Variants in KIAA1217 observed in about 807,000 individuals in gnomAD.
The protein encoded by KIAA1217 is sickle tail protein homolog.
KIAA1217 carries 88 observed loss-of-function variants against 163.9 expected under a neutral mutation model. The observed-to-expected ratio is 0.54, with a 90% CI of 0.45 to 0.64. The LOEUF (loss-of-function observed/expected upper bound fraction) is 0.64. KIAA1217 is among the 30% of genes least tolerant of loss of function. KIAA1217 has a pLI of 0.00. For synonymous variants in KIAA1217, 903 were observed against 923.1 expected (o/e 0.98, Z 0.39); for missense variants, 2,372 against 2,475.0 (o/e 0.96, Z 0.88).
At chr10:23,802,282 A>G (rs1164572543) in intron 1 of KIAA1217, among the ~76,000 whole-genome samples, 1 of 152,188 alleles carries the variant, frequency 6.6e-6, no homozygotes, top group East Asian at 1.9e-4. Flanking sequence ...GGGAACATCT[A>G]CGGTGTCTGT....
chr10:24,269,210 T>TAAAAAAAAAAA (rs59746609), intron 2 of KIAA1217, among the ~76,000 whole-genome samples: 1 of 87,068 alleles, frequency 1.1e-5, no homozygotes, highest in Non-Finnish European at 2.4e-5. Flanking sequence ...AAAGTATAAT[T>TAAAAAAAAAAA]AAAAAAAAAA....
chr10:23,900,125 C>G (rs916371268), intron 1 of KIAA1217, among the ~76,000 whole-genome samples: 2 of 151,926 alleles, frequency 1.3e-5, no homozygotes, highest in African/African-American at 4.8e-5. Flanking sequence ...CCTGCCTCAG[C>G]CTCCTGAGTA....
At chr10:24,208,846 A>T (rs566312754), upstream of KIAA1217, 38 of 236,718 alleles carry the variant, frequency 1.6e-4, 1 homozygote, top group East Asian at 3.9e-3. Flanking sequence ...TGGGTAGGAG[A>T]GGCCGTCACC....
chr10:24,433,801 T>A (rs2059794409), intron 4 of KIAA1217, among the ~76,000 whole-genome samples: 1 of 150,372 alleles, frequency 6.7e-6, no homozygotes, highest in Non-Finnish European at 1.5e-5. Context: ...AGCAGTGGGC[T>A]CTGTATTATT....
chr10:24,535,645 C>T (rs1333192682), intron 16 of KIAA1217, among the ~76,000 whole-genome samples: 1 of 151,984 alleles, frequency 6.6e-6, no homozygotes, highest in East Asian at 1.9e-4. Flanking sequence ...GGCGTGGTGG[C>T]GGGTGCCTGT....
In KIAA1217 at chr10:24,520,283, T is replaced by A. The variant is rs201333895; in HGVS notation, c.2308+30T>A. On this transcript the variant is annotated intron_variant, in intron 11 of 20. Coordinates refer to ENST00000376454, the MANE Select transcript of KIAA1217 (RefSeq NM_019590.5). The stretch of plus-strand genomic sequence containing the variant: ...ACTTTCTGCTGGGTCGGGGGAGGAG[T>A]CTGAGCTGTCTTTCCTGCGGTGTTT... 1.3e-4 allele frequency: 206 copies of A among 1,611,246 alleles called. 1 individual carries two copies. In the African/African-American group the frequency reaches 2.3e-3, roughly 18 times the overall value.
chr10:23,739,160 A>G (rs753354153), intron 1 of KIAA1217, among the ~76,000 whole-genome samples: 2 of 152,222 alleles, frequency 1.3e-5, no homozygotes, highest in Non-Finnish European at 2.9e-5. Context: ...ATAAAGTCAA[A>G]TGCCACATAT....
chr10:24,318,030 G>A (rs1001277948), intron 2 of KIAA1217, among the ~76,000 whole-genome samples: 1 of 152,146 alleles, frequency 6.6e-6, no homozygotes, highest in African/African-American at 2.4e-5. Context: ...AAGTTTTCTG[G>A]GTGCAGTGGC....
intron 2 of KIAA1217, among the ~76,000 whole-genome samples, chr10:24,167,611 A>G (rs16924362): frequency 0.017 from 2,659 of 152,232 alleles, 27 homozygotes; most frequent in Middle Eastern, 0.058. Context: ...CCCAACTTGG[A>G]CAACTGTGAA....
In KIAA1217 at chr10:23,821,104, C is replaced by CGTGTGTGT. The variant is rs3072739; in HGVS notation, c.-321+125896_-321+125903dup. Among the ~76,000 whole-genome samples, 227 of 143,218 alleles carry CGTGTGTGT rather than the reference C, an allele frequency of 1.6e-3. 1 individual carries two copies. Among genetic ancestry groups the CGTGTGTGT allele is most frequent in the African/African-American group, 5.3e-3 (209 of 39,748 alleles). The allele number at this position is 143,218 out of a possible 152,430, so 94.0% of individuals were successfully genotyped here. A position where few individuals can be genotyped will look rare whatever the true frequency, so the allele number is the denominator to read the frequency against. ...TAATTTTCTTGCAGCTGTGTGTGTG[C>CGTGTGTGT]GTGTGTGTGTGTGTGTGTGTGTGTG... On this transcript the variant is annotated intron_variant, in intron 1 of 18. Coordinates refer to the KIAA1217 transcript ENST00000376462.
chr10:23,797,093 C>A (rs372353118), intron 1 of KIAA1217, among the ~76,000 whole-genome samples: 1 of 152,130 alleles, frequency 6.6e-6, no homozygotes, highest in South Asian at 2.1e-4. Flanking sequence ...TGGCCTCAAG[C>A]GATCCCCCTG....
rs767776338 is a variant in KIAA1217, at chr10:24,521,840, C to T, written c.2367C>T (p.Ala789=). 1.2e-5 allele frequency: 20 copies of T among 1,613,724 alleles called. No individual in the cohort carries two copies. The highest frequency in any genetic ancestry group is 8.9e-5 in the East Asian group (4 of 44,894). The change falls in exon 12 of 21, where the codon GCC becomes GCT. Residue 789 remains alanine, a synonymous_variant. Transcript: ENST00000376454. Reference sequence around the variant, plus strand: ...CCATCCTGCGCATAGAAGTGGAGGCCGTGCGGTTTCTGAAGGAGGAGCCAC... The same window carrying T: ...CCATCCTGCGCATAGAAGTGGAGGCTGTGCGGTTTCTGAAGGAGGAGCCAC... ...MRAILRIEVE[A]VRFLKEEPHK... is the part of the protein sequence containing the mutation.
At chr10:24,161,287 A>G (rs2065108313) in intron 2 of KIAA1217, among the ~76,000 whole-genome samples, 1 of 152,242 alleles carries the variant, frequency 6.6e-6, no homozygotes, top group Non-Finnish European at 1.5e-5. Flanking sequence ...TCCACATTTC[A>G]AAAGACAGTA....
chr10:23,983,610 C>A lies in KIAA1217; in HGVS notation c.-320-23615C>A, dbSNP rs1295661280. Among the ~76,000 whole-genome samples the A allele has an allele frequency of 2.0e-5, 3 of 152,276 alleles. No individual in the cohort carries two copies. In the South Asian group the frequency reaches 6.2e-4, roughly 32 times the overall value. ...AAGCCATTCATGAGAACTCCGCCCC[C>A]ACAACCCAGTCATCTCCAACCAGGC... On this transcript the variant is annotated intron_variant, in intron 1 of 18. Transcript: ENST00000376462.
intron 1 of KIAA1217, among the ~76,000 whole-genome samples, chr10:23,900,295 C>T (rs973708820): frequency 6.6e-6 from 1 of 152,058 alleles, no homozygotes; most frequent in Non-Finnish European, 1.5e-5. Context: ...CACGAGCCAC[C>T]ACACCCAGCC....
At position 24,544,027 on chromosome 10, in the gene KIAA1217, C is replaced by A; in HGVS notation, c.4757C>A (p.Thr1586Asn). ...CCTAAGAAGCAACTCGCCGCTCTCA[C>A]TCAAGCCATTCGCACCGGAACTAAA... Reference protein sequence around the residue: ...KFPKKQLAALTQAIRTGTKTG... With the variant: ...KFPKKQLAALNQAIRTGTKTG... Residue 1586 changes from threonine (T) to asparagine (N), a missense_variant, in exon 19 of 21, where the codon ACT (threonine) becomes AAT (asparagine). Around this residue, in one of 3 missense-constraint regions of KIAA1217, gnomAD observed 690 missense variants for 677.5 expected, o/e 1.02. Coordinates refer to ENST00000376454, the MANE Select transcript of KIAA1217 (RefSeq NM_019590.5). 1 of 1,614,186 alleles carries A rather than the reference C, an allele frequency of 6.2e-7. No homozygotes were observed. Among genetic ancestry groups the A allele is most frequent in the Middle Eastern group, 1.6e-4 (1 of 6,062 alleles).
At chr10:23,879,199 G>T (rs1397446479) in intron 1 of KIAA1217, among the ~76,000 whole-genome samples, 6 of 151,900 alleles carry the variant, frequency 3.9e-5, no homozygotes, top group African/African-American at 1.4e-4. Flanking sequence ...AAATTCTTCT[G>T]TAATTGGTCT....
intron 2 of KIAA1217, among the ~76,000 whole-genome samples, chr10:24,360,485 CG>C (rs2049821971): frequency 6.6e-6 from 1 of 152,208 alleles, no homozygotes; most frequent in South Asian, 2.1e-4. Context: ...TCCCTTCTAT[CG>C]TGGGCTTTAA....
At chr10:24,213,742 G>T (rs887086561) in intron 1 of KIAA1217, among the ~76,000 whole-genome samples, 5 of 152,142 alleles carry the variant, frequency 3.3e-5, no homozygotes, top group African/African-American at 7.2e-5. Flanking sequence ...CTGGGAAGAG[G>T]AGCTCCTGTC....
Sources: allele counts gnomAD v4.1 joint callset (sites outside exome capture counted in the v4.1 genomes callset), GRCh38; gene constraint gnomAD v4.1.1; regional missense constraint gnomAD v4.1.1; transcripts MANE v1.5; gene names NCBI Gene and HGNC (gene_info 2026-07-23, HGNC 2026-07-21).